TTC17: variants seen among roughly 807,000 people sequenced by gnomAD.
TTC17 encodes the protein tetratricopeptide repeat protein 17.
In TTC17, 58 loss-of-function variants were observed where a neutral mutation model predicts 143.8. The observed-to-expected ratio is 0.40, with a 90% confidence interval of 0.33 to 0.50. The LOEUF is 0.50. Among genes scored for constraint, TTC17 ranks in the 20% least tolerant of loss-of-function variants. The probability of loss-of-function intolerance (pLI) is 0.49; values close to 1 mark genes in which losing one functional copy is unlikely to be tolerated. For synonymous variants in TTC17, 501 were observed against 497.8 expected (o/e 1.01, Z -0.09); for missense variants, 1,273 against 1,392.5 (o/e 0.91, Z 1.37).
rs577501405 is a variant in TTC17 at position 43,412,542 on chromosome 11, T to C, written c.2065-2048T>C. 3.9e-5 allele frequency among the ~76,000 whole-genome samples: 6 copies of C among 152,170 alleles called. 1 individual carries two copies. Among genetic ancestry groups the C allele is most frequent in the African/African-American group, 1.2e-4 (5 of 41,524 alleles). On this transcript the variant is annotated intron_variant, in intron 15 of 23. Transcript: ENST00000039989. The stretch of plus-strand genomic sequence containing the variant: ...ATATTTATATACTGATTACAAGATA[T>C]CACTAAGAGAAAGAAGACATAAGTA...
intron 21 of TTC17, among the ~76,000 whole-genome samples, chr11:43,461,491 A>G (rs1355290006): frequency 6.6e-6 from 1 of 152,092 alleles, no homozygotes; most frequent in African/African-American, 2.4e-5. Flanking sequence ...AAACCAGCCA[A>G]AATGTTCTTA....
chr11:43,381,078 G>C (rs1230157292), intron 2 of TTC17, among the ~76,000 whole-genome samples: 1 of 151,992 alleles, frequency 6.6e-6, no homozygotes, highest in Non-Finnish European at 1.5e-5. Flanking sequence ...GGATATATAG[G>C]AAGAAAGTGC....
chr11:43,438,614 A>G (rs1947344879), intron 16 of TTC17, among the ~76,000 whole-genome samples: 1 of 152,160 alleles, frequency 6.6e-6, no homozygotes, highest in Non-Finnish European at 1.5e-5. Context: ...ACCCATTGAT[A>G]TTACTCATGC....
intron 16 of TTC17, among the ~76,000 whole-genome samples, chr11:43,417,792 G>A (rs3781804): frequency 0.93 from 141,706 of 152,352 alleles, 66,012 homozygotes; most frequent in Non-Finnish European, 0.95. Flanking sequence ...CAGAGGTTGC[G>A]GTGAGCTGAG....
intron 15 of TTC17, among the ~76,000 whole-genome samples, chr11:43,413,600 T>C (rs988567011): frequency 6.6e-6 from 1 of 151,642 alleles, no homozygotes; most frequent in Non-Finnish European, 1.5e-5. Context: ...ATATATAATA[T>C]AGACAGAGAG....
At chr11:43,453,143 A>G (rs1313852726) in intron 21 of TTC17, among the ~76,000 whole-genome samples, 1 of 149,480 alleles carries the variant, frequency 6.7e-6, no homozygotes, top group East Asian at 2.0e-4. Context: ...AAACACAGAA[A>G]GGGACATAGA....
intron 16 of TTC17, among the ~76,000 whole-genome samples, chr11:43,434,219 ACACACACACACACT>A (rs1000878772): frequency 9.0e-5 from 7 of 78,154 alleles, no homozygotes; most frequent in Admixed American, 3.0e-4. Flanking sequence ...ACACACACAC[ACACACACACACACT>A]CTCATGGCCT....
At chr11:43,437,525 G>C (rs1947320028) in intron 16 of TTC17, among the ~76,000 whole-genome samples, 1 of 152,128 alleles carries the variant, frequency 6.6e-6, no homozygotes, top group South Asian at 2.1e-4. Flanking sequence ...TTTCTAAAAT[G>C]TAAATCTGAT....
At chr11:43,457,870 G>A (rs775095709) in intron 21 of TTC17, among the ~76,000 whole-genome samples, 6 of 152,030 alleles carry the variant, frequency 3.9e-5, no homozygotes, top group African/African-American at 7.2e-5. Context: ...AGATAGAGAA[G>A]TAACAGAATC....
At chr11:43,404,183 T>A in intron 11 of TTC17, 39 bp downstream of exon 11, 6 of 1,579,722 alleles carry the variant, frequency 3.8e-6, no homozygotes, top group Non-Finnish European at 5.2e-6. Context: ...TTTCTCAAAC[T>A]GGCAAGATCC....
At chr11:43,378,955 G>C (rs1211292319) in intron 1 of TTC17, 1 of 323,970 alleles carries the variant, frequency 3.1e-6, no homozygotes, top group Non-Finnish European at 5.6e-6. Context: ...ATCAATCATT[G>C]CCAAATACTT....
At chr11:43,425,332 AT>A (rs939414212) in intron 16 of TTC17, among the ~76,000 whole-genome samples, 16 of 151,672 alleles carry the variant, frequency 1.1e-4, no homozygotes, top group South Asian at 8.4e-4. Flanking sequence ...GAAAAAAAAA[AT>A]TTTTTTTTAA....
intron 21 of TTC17, among the ~76,000 whole-genome samples, chr11:43,453,947 AC>A (rs1422402665): frequency 2.0e-5 from 3 of 152,162 alleles, no homozygotes; most frequent in Non-Finnish European, 2.9e-5. Context: ...TCAGCTGTTT[AC>A]CCTTGTGATC....
At chr11:43,446,220 G>GC in intron 18 of TTC17, 1 of 1,234,578 alleles carries the variant, frequency 8.1e-7, no homozygotes, top group South Asian at 3.4e-5. Context: ...AATGCCCTGT[G>GC]CCCCCTCTGC....
chr11:43,415,705 C>T (rs975260231), intron 16 of TTC17, among the ~76,000 whole-genome samples: 7 of 152,124 alleles, frequency 4.6e-5, no homozygotes, highest in Admixed American at 2.6e-4. Flanking sequence ...TTTGTTGATT[C>T]GCTATACCAG....
At chr11:43,365,296 T>C (rs1376379361) in intron 1 of TTC17, among the ~76,000 whole-genome samples, 1 of 152,004 alleles carries the variant, frequency 6.6e-6, no homozygotes, top group Non-Finnish European at 1.5e-5. Context: ...AGAGATAGGG[T>C]TGTACCATGT....
Position 43,389,660 on chromosome 11 carries a change from A to G in TTC17, c.258A>G (p.Leu86=), listed in dbSNP as rs780255393. The G allele has an allele frequency of 6.2e-7, 1 of 1,606,762 alleles. No individual in the cohort carries two copies. The highest frequency in any genetic ancestry group is 8.5e-7 in the Non-Finnish European group (1 of 1,177,852). The change falls in exon 3 of 24, where the codon TTA becomes TTG. Residue 86 remains leucine (L), a synonymous_variant. Transcript: ENST00000039989. ...TACTTTCTTCTCAACAGAAACAATT[A>G]GTTGCTCAAAAAATTCACATAGAAG... ...VNYLKELEKQ[L]VAQKIHIEEN... is the part of the protein sequence containing the mutation.
At chr11:43,436,773 T>C (rs980393198) in intron 16 of TTC17, among the ~76,000 whole-genome samples, 1 of 152,214 alleles carries the variant, frequency 6.6e-6, no homozygotes, top group Non-Finnish European at 1.5e-5. Context: ...AACGCATGAC[T>C]TCTTTTTAGT....
chr11:43,486,203 C>T (rs1256569583), intron 21 of TTC17, among the ~76,000 whole-genome samples: 2 of 152,046 alleles, frequency 1.3e-5, no homozygotes, highest in Non-Finnish European at 2.9e-5. Flanking sequence ...CAGTTATCCA[C>T]AGTCTATTAT....
Sources: allele counts gnomAD v4.1 joint callset (sites outside exome capture counted in the v4.1 genomes callset), GRCh38; gene constraint gnomAD v4.1.1; transcripts MANE v1.5; gene names NCBI Gene and HGNC (gene_info 2026-07-23, HGNC 2026-07-21).